Variants in CDH18 observed in about 807,000 individuals in gnomAD.
CDH18 encodes cadherin 18.
Under a neutral mutation model 67.9 loss-of-function variants are expected in CDH18, and 31 were observed. The ratio of observed to expected loss-of-function variants is 0.46; its 90% confidence interval spans 0.34 to 0.62. The LOEUF (loss-of-function observed/expected upper bound fraction) is 0.62, where lower values mean the gene tolerates loss of function less well. Ranked by LOEUF, CDH18 falls within the 20% of genes least tolerant of loss-of-function variation. The pLI is 0.01. For synonymous variants in CDH18, 362 were observed against 347.2 expected, an observed-to-expected ratio of 1.04 and a Z score of -0.48; for missense variants, 890 against 975.5, an observed-to-expected ratio of 0.91 and a Z score of 1.17.
Position 19,731,071 on chromosome 5 carries a change from T to C in CDH18, c.524-9605A>G, listed in dbSNP as rs187608449. ...TTTATAGATGGACAAGATTTTTTAT[T>C]CTGTTACAAATGCACACTACTCTAG... On this transcript the variant is annotated intron_variant, in intron 4 of 12. Coordinates refer to ENST00000382275, the MANE Select transcript of CDH18 (RefSeq NM_004934.5). 1.3e-3 allele frequency among the ~76,000 whole-genome samples: 194 copies of C among 152,260 alleles called. 1 individual carries two copies. Among genetic ancestry groups the C allele is most frequent in the African/African-American group, 4.5e-3 (188 of 41,538 alleles).
chr5:19,936,141 G>C (rs527731772), intron 2 of CDH18, among the ~76,000 whole-genome samples: 1 of 151,146 alleles, frequency 6.6e-6, no homozygotes, highest in Non-Finnish European at 1.5e-5. Flanking sequence ...AGTTGCCTGT[G>C]CTCTTTCTGT....
At chr5:20,213,432 T>C (rs1481808841) in intron 2 of CDH18, among the ~76,000 whole-genome samples, 3 of 152,098 alleles carry the variant, frequency 2.0e-5, no homozygotes, top group African/African-American at 7.2e-5. Context: ...AGTCGAATTT[T>C]TGGAATACTT....
At chr5:19,635,228 C>T (rs1752970949) in intron 5 of CDH18, among the ~76,000 whole-genome samples, 1 of 152,104 alleles carries the variant, frequency 6.6e-6, no homozygotes, top group African/African-American at 2.4e-5. Flanking sequence ...TACCATGTTC[C>T]TTACATGGAT....
intron 2 of CDH18, among the ~76,000 whole-genome samples, chr5:19,928,032 TGGTCATGCAGA>T (rs1793279476): frequency 6.6e-6 from 1 of 152,184 alleles, no homozygotes; most frequent in Non-Finnish European, 1.5e-5. Context: ...ACTTGCTCTT[TGGTCATGCAGA>T]GCTCTGAAAA....
chr5:19,549,557 A>G (rs1736968549), intron 8 of CDH18, among the ~76,000 whole-genome samples: 1 of 151,942 alleles, frequency 6.6e-6, no homozygotes, highest in South Asian at 2.1e-4. Context: ...AATGAAAGAT[A>G]TATATTAAAA....
chr5:20,198,471 T>C (rs1739167961), intron 2 of CDH18, among the ~76,000 whole-genome samples: 1 of 152,088 alleles, frequency 6.6e-6, no homozygotes, highest in African/African-American at 2.4e-5. Flanking sequence ...CTGTGGAACT[T>C]TGAACTTAAG....
At chr5:20,150,225 T>C (rs930112882) in intron 2 of CDH18, among the ~76,000 whole-genome samples, 3 of 152,126 alleles carry the variant, frequency 2.0e-5, no homozygotes, top group Non-Finnish European at 4.4e-5. Flanking sequence ...CCTCAATTAC[T>C]TGAAAGCTCA....
intron 1 of CDH18, among the ~76,000 whole-genome samples, chr5:20,414,813 C>T (rs1178434947): frequency 6.6e-6 from 1 of 152,050 alleles, no homozygotes. Flanking sequence ...AAAACAACAA[C>T]AGCAATAGCA....
intron 1 of CDH18, among the ~76,000 whole-genome samples, chr5:20,332,938 T>G (rs1317473031): frequency 6.6e-6 from 1 of 152,090 alleles, no homozygotes. Flanking sequence ...CTAGTTCACC[T>G]AATGTGCATA....
In CDH18 at chr5:19,473,489, A is replaced by G; in HGVS notation, c.2110T>C (p.Ser704Pro). The G allele has an allele frequency of 6.2e-7, 1 of 1,613,736 alleles. No homozygotes were observed. The highest frequency in any genetic ancestry group is 8.5e-7 in the Non-Finnish European group (1 of 1,179,840). ...ACATCTATGCTTTCCAGGGTGGATG[A>G]TGTCTGGTGTCTGGGAGTGAGCTTC... is the stretch of plus-strand genomic sequence containing the variant. ...EVKLTPRHQT[S>P]STLESIDVQE... Residue 704 changes from serine to proline, a missense_variant, in exon 13 of 13, where the codon TCA (serine) becomes CCA (proline). Physicochemically the swap from Ser to Pro is moderately conservative, Grantham distance 74. Transcript: ENST00000382275.
At chr5:19,868,688 G>A (rs1230172816) in intron 2 of CDH18, among the ~76,000 whole-genome samples, 1 of 152,024 alleles carries the variant, frequency 6.6e-6, no homozygotes, top group Non-Finnish European at 1.5e-5. Context: ...ATATAAGAAG[G>A]AACTCATTTC....
In CDH18 at chr5:20,334,542, C is replaced by A. The variant is rs1367753228; in HGVS notation, c.-579-79037G>T. ...GGAAAAAACGATTGAAGACTAATGT[C>A]AATCAGAGAGAAGAGGGAACGACAT... On this transcript the variant is annotated intron_variant, in intron 1 of 14. Coordinates refer to the CDH18 transcript ENST00000507958. 2.0e-5 allele frequency among the ~76,000 whole-genome samples: 3 copies of A among 151,968 alleles called. No individual in the cohort carries two copies. The East Asian group carries it at 5.8e-4, about 29-fold the overall frequency.
chr5:20,092,256 A>G (rs1745502465), intron 2 of CDH18, among the ~76,000 whole-genome samples: 1 of 152,154 alleles, frequency 6.6e-6, no homozygotes, highest in Non-Finnish European at 1.5e-5. Flanking sequence ...GCTTTTTACT[A>G]CAGTGGAAAA....
intron 2 of CDH18, among the ~76,000 whole-genome samples, chr5:20,217,035 T>A (rs1369830949): frequency 6.6e-6 from 1 of 151,642 alleles, no homozygotes; most frequent in Non-Finnish European, 1.5e-5. Context: ...AAATAGTATA[T>A]CCAGAGAAAA....
At chr5:19,514,108 GTCCTTGTGA>G in intron 10 of CDH18, among the ~76,000 whole-genome samples, 1 of 152,158 alleles carries the variant, frequency 6.6e-6, no homozygotes, top group African/African-American at 2.4e-5. Flanking sequence ...TTGGTTTTCT[GTCCTTGTGA>G]TAGTTTGCTC....
rs58415003 is a variant in CDH18 at position 20,056,478 on chromosome 5, G to GTT, written c.-517-64466_-517-64465dup. Among the ~76,000 whole-genome samples the GTT allele has an allele frequency of 2.4e-3, 39 of 16,286 alleles. 6 individuals are homozygous for GTT. Among genetic ancestry groups the GTT allele is most frequent in the African/African-American group, 4.2e-3 (20 of 4,714 alleles). The allele number at this position is 16,286 out of a possible 152,430, so 10.7% of individuals were successfully genotyped here. On this transcript the variant is annotated intron_variant, in intron 2 of 14. Coordinates refer to the CDH18 transcript ENST00000507958. ...TATTTTTCTTTATTTTCTTTCTTTTGTTTTTTTTTTTTTTTTTTTTTTTTT... is the reference window on the plus strand; with the variant it reads ...TATTTTTCTTTATTTTCTTTCTTTTGTTTTTTTTTTTTTTTTTTTTTTTTTTT...
At chr5:20,570,333 G>A (rs1419769969) in intron 1 of CDH18, among the ~76,000 whole-genome samples, 1 of 151,830 alleles carries the variant, frequency 6.6e-6, no homozygotes, top group Non-Finnish European at 1.5e-5. Flanking sequence ...GAAACTGATT[G>A]GAAAATAAAG....
chr5:20,156,641 T>C (rs1008825153), intron 2 of CDH18, among the ~76,000 whole-genome samples: 2 of 151,976 alleles, frequency 1.3e-5, no homozygotes, highest in African/African-American at 4.8e-5. Context: ...AGGTGATGGG[T>C]ACACTAAAGG....
upstream of CDH18, among the ~76,000 whole-genome samples, chr5:19,988,755 A>G (rs916769623): frequency 2.6e-5 from 4 of 152,144 alleles, no homozygotes; most frequent in African/African-American, 9.7e-5. Flanking sequence ...AGCCTGCTAA[A>G]CATTCAACTG....
Sources: allele counts gnomAD v4.1 joint callset (sites outside exome capture counted in the v4.1 genomes callset), GRCh38; gene constraint gnomAD v4.1.1; transcripts MANE v1.5; gene names NCBI Gene and HGNC (gene_info 2026-07-23, HGNC 2026-07-21).